Variants in RSF1 observed in about 807,000 individuals in gnomAD.
RSF1 encodes HBV pX-associated protein 8.
RSF1 carries 13 observed loss-of-function variants against 145.2 expected under a neutral mutation model. The ratio of observed to expected loss-of-function variants is 0.09; its 90% CI spans 0.06 to 0.14. The LOEUF (loss-of-function observed/expected upper bound fraction) is 0.14, where lower values mean the gene tolerates loss of function less well. Among genes scored for constraint, RSF1 ranks in the 10% least tolerant of loss-of-function variants. RSF1 has a pLI of 1.00. For missense variants in RSF1, 1,517 were observed against 1,718.2 expected (o/e 0.88, Z 2.07); for synonymous variants, 577 against 592.6 (o/e 0.97, Z 0.38).
intron 3 of RSF1, among the ~76,000 whole-genome samples, chr11:77,742,907 A>C (rs766050954): frequency 1.3e-5 from 2 of 152,118 alleles, no homozygotes; most frequent in Non-Finnish European, 2.9e-5. Context: ...TAATCCACTA[A>C]GATAATTTGT....
At chr11:77,788,341 C>T (rs7123080) in intron 1 of RSF1, among the ~76,000 whole-genome samples, 32,699 of 150,178 alleles carry the variant, frequency 0.22, 3,657 homozygotes, top group Middle Eastern at 0.25. Flanking sequence ...TCTTATATGA[C>T]TATGACTATA....
At chr11:77,669,642 C>T (rs559172680) in intron 15 of RSF1, among the ~76,000 whole-genome samples, 2 of 152,314 alleles carry the variant, frequency 1.3e-5, no homozygotes, top group Admixed American at 1.3e-4. Context: ...AGGTTAGTGG[C>T]TATTGTAACG....
chr11:77,701,091 T>C lies in RSF1; in HGVS notation c.2138A>G (p.Glu713Gly). 6.2e-7 allele frequency: 1 copy of C among 1,613,574 alleles called. No homozygotes were observed. The highest frequency in any genetic ancestry group is 1.1e-5 in the South Asian group (1 of 90,966). Residue 713 changes from glutamate to glycine, a missense_variant, in exon 6 of 16, where the codon GAA becomes GGA. Around this residue, in one of 12 missense-constraint regions of RSF1, gnomAD observed 579 missense variants for 553.5 expected, o/e 1.05. Coordinates refer to ENST00000308488, the MANE Select transcript of RSF1 (RefSeq NM_016578.4). ...ATTTTCTGAGGCAGTGGTTTCTTCT[T>C]CAGGAACCAACTTATATTTGAATTT... The part of the protein sequence containing the change: ...KSKFKYKLVP[E>G]EETTASENTE...
chr11:77,784,677 G>GC lies in RSF1; in HGVS notation c.188-19989dup, dbSNP rs139728674. Reference sequence around the variant, plus strand: ...GCTTTGTTTTGGCAGGTATTTATTTGCAGATTCATCTTATCTTTTTAAGGC... The same window carrying GC: ...GCTTTGTTTTGGCAGGTATTTATTTGCCAGATTCATCTTATCTTTTTAAGGC... On this transcript the variant is annotated intron_variant, in intron 1 of 15. Coordinates refer to ENST00000308488, the MANE Select transcript of RSF1 (RefSeq NM_016578.4). Among the ~76,000 whole-genome samples the GC allele has an allele frequency of 7.7e-3, 1,168 of 152,228 alleles. 7 individuals are homozygous for GC. The highest frequency in any genetic ancestry group is 0.012 in the Non-Finnish European group (823 of 68,008).
the RSF1 span, chr11:77,842,586 A>C: frequency 1.9e-6 from 3 of 1,613,986 alleles, no homozygotes; most frequent in Non-Finnish European, 2.5e-6. Context: ...AAGTATGGCC[A>C]GGGGGTAGTC....
upstream of RSF1, among the ~76,000 whole-genome samples, chr11:77,824,881 C>A (rs1349212211): frequency 6.6e-6 from 1 of 152,156 alleles, no homozygotes; most frequent in Non-Finnish European, 1.5e-5. Flanking sequence ...CCTATATAAT[C>A]CCAATTAGCA....
intron 1 of RSF1, among the ~76,000 whole-genome samples, chr11:77,790,232 G>A (rs574551447): frequency 1.2e-4 from 18 of 152,292 alleles, no homozygotes; most frequent in South Asian, 6.2e-4. Context: ...GCAAGGAGGA[G>A]CAAGTCACAT....
At chr11:77,822,048 ATAATT>A (rs1248828008), upstream of RSF1, among the ~76,000 whole-genome samples, 1 of 152,220 alleles carries the variant, frequency 6.6e-6, no homozygotes, top group Non-Finnish European at 1.5e-5. Context: ...AGGAGTTCCT[ATAATT>A]TAGACTGAAT....
chr11:77,869,310 T>C, the RSF1 span: 15 of 130,494 alleles, frequency 1.1e-4, no homozygotes, highest in Non-Finnish European at 2.1e-4. Context: ...TTATCTCTTT[T>C]TCTTTTTTTT....
the RSF1 span, among the ~76,000 whole-genome samples, chr11:77,854,655 C>G: frequency 6.6e-6 from 1 of 152,180 alleles, no homozygotes; most frequent in Admixed American, 6.5e-5. Context: ...AGGGTGCAAC[C>G]CCTGTGGCTG....
At position 77,773,335 on chromosome 11, in the gene RSF1, A is replaced by AC. The variant is rs1207392220; in HGVS notation, c.188-8647dup. On this transcript the variant is annotated intron_variant, in intron 1 of 15. Coordinates refer to ENST00000308488, the MANE Select transcript of RSF1 (RefSeq NM_016578.4). The stretch of plus-strand genomic sequence containing the variant: ...GCGCCAATTACATGCCCAGCACTGC[A>AC]CAACCACCACACTATTTCCCAATCT... 3.9e-5 allele frequency among the ~76,000 whole-genome samples: 6 copies of AC among 152,092 alleles called. No homozygotes were observed. The East Asian group carries it at 1.2e-3, about 29-fold the overall frequency.
intron 8 of RSF1, among the ~76,000 whole-genome samples, chr11:77,692,809 C>G (rs961363711): frequency 6.6e-6 from 1 of 151,874 alleles, no homozygotes; most frequent in African/African-American, 2.4e-5. Context: ...TCCCGAGTAG[C>G]TTGGACTAAA....
Position 77,701,048 on chromosome 11 carries a change from T to G in RSF1, c.2181A>C (p.Glu727Asp). The change falls in exon 6 of 16, where the codon GAA becomes GAC. Residue 727 changes from glutamate (E) to aspartate (D), a missense_variant. Physicochemically the swap from Glu to Asp is conservative, Grantham distance 45. This residue lies in a region of RSF1 where 579 missense variants were observed against 553.5 expected (regional missense o/e 1.05). Coordinates refer to ENST00000308488, the MANE Select transcript of RSF1 (RefSeq NM_016578.4). ...TTAATTTGATGCCCTCTTTCTGCCT[T>G]TCAGAGGTTATCTCTGTATTTTCTG... ...TASENTEITS[E>D]RQKEGIKLTI... is the part of the protein sequence containing the mutation. 6.2e-7 allele frequency: 1 copy of G among 1,613,908 alleles called. No individual in the cohort carries two copies.
At chr11:77,687,817 TAAA>T (rs1960050409) in intron 9 of RSF1, among the ~76,000 whole-genome samples, 1 of 152,150 alleles carries the variant, frequency 6.6e-6, no homozygotes, top group South Asian at 2.1e-4. Flanking sequence ...TACTTTAAAA[TAAA>T]AATTTCTAAA....
intron 2 of RSF1, among the ~76,000 whole-genome samples, chr11:77,759,219 A>G (rs1948146491): frequency 6.6e-6 from 1 of 152,238 alleles, no homozygotes; most frequent in South Asian, 2.1e-4. Flanking sequence ...GATATTTGTA[A>G]AATACCACAA....
At chr11:77,805,530 C>A (rs1948669056) in intron 1 of RSF1, among the ~76,000 whole-genome samples, 1 of 151,880 alleles carries the variant, frequency 6.6e-6, no homozygotes, top group Admixed American at 6.6e-5. Context: ...GTACAAATGC[C>A]AAGATAGTTA....
rs759809946 is a variant in RSF1 at position 77,676,961 on chromosome 11, G to A, written c.3172C>T (p.His1058Tyr). The A allele has an allele frequency of 1.3e-6, 2 of 1,583,694 alleles. No individual in the cohort carries two copies. The highest frequency in any genetic ancestry group is 4.7e-5 in the East Asian group (2 of 42,624). Residue 1058 changes from histidine to tyrosine, a missense_variant, in exon 13 of 16, where the codon CAT becomes TAT. Physicochemically the swap from His to Tyr is moderately conservative, Grantham distance 83. Coordinates refer to ENST00000308488, the MANE Select transcript of RSF1 (RefSeq NM_016578.4). ...ATAGTAGAGATGTCTTTCCCACGAT[G>A]ACCTGTGATGGTGGAGATATCTTTT... ...RGKDISTITG[H>Y]RGKDISTILD...
At chr11:77,753,820 T>C (rs184064352) in intron 2 of RSF1, among the ~76,000 whole-genome samples, 82 of 152,340 alleles carry the variant, frequency 5.4e-4, no homozygotes, top group African/African-American at 1.9e-3. Context: ...AAGAGGTCTT[T>C]CCAGGTTTGT....
intron 2 of RSF1, among the ~76,000 whole-genome samples, chr11:77,749,900 C>G (rs1489164578): frequency 6.6e-6 from 1 of 152,098 alleles, no homozygotes; most frequent in Non-Finnish European, 1.5e-5. Flanking sequence ...AGGCGCCCAC[C>G]ACCATGCCTG....
Sources: gnomAD v4.1 joint callset for allele counts (sites outside exome capture counted in the v4.1 genomes callset) on GRCh38, gnomAD v4.1.1 for gene constraint, gnomAD v4.1.1 regional missense constraint, MANE v1.5 for transcripts, NCBI Gene and HGNC (gene_info 2026-07-23, HGNC 2026-07-21) for gene names.